Variants in MCTP1 observed in about 807,000 individuals in gnomAD.
The protein encoded by MCTP1 is multiple C2 and transmembrane domain containing 1, also known as multiple C2 and transmembrane domain-containing protein 1.
Under a neutral mutation model 120.6 loss-of-function variants are expected in MCTP1, and 69 were observed. The ratio of observed to expected loss-of-function variants is 0.57; its 90% CI spans 0.47 to 0.70. MCTP1 has a LOEUF of 0.70. Ranked by LOEUF, MCTP1 falls within the 30% of genes least tolerant of loss-of-function variation. The pLI is 0.00. For synonymous variants in MCTP1, 529 were observed against 493.1 expected (o/e 1.07, Z -0.96); for missense variants, 1,203 against 1,248.8 (o/e 0.96, Z 0.55).
chr5:95,249,660 T>C (rs1025496560), intron 1 of MCTP1, among the ~76,000 whole-genome samples: 1 of 152,190 alleles, frequency 6.6e-6, no homozygotes, highest in African/African-American at 2.4e-5. Flanking sequence ...TTACTGGGTA[T>C]ATACCCAAAG....
intron 1 of MCTP1, among the ~76,000 whole-genome samples, chr5:95,027,489 AG>A (rs1839471818): frequency 6.6e-6 from 1 of 152,218 alleles, no homozygotes. Context: ...AAGAAGCTGG[AG>A]AGGCCAGAAG....
At chr5:94,800,237 A>G (rs1472703544) in intron 17 of MCTP1, among the ~76,000 whole-genome samples, 1 of 152,230 alleles carries the variant, frequency 6.6e-6, no homozygotes, top group African/African-American at 2.4e-5. Context: ...CAAAACACAG[A>G]AAGTCAACTA....
chr5:94,811,603 G>C (rs1273851554), intron 17 of MCTP1, among the ~76,000 whole-genome samples: 1 of 152,130 alleles, frequency 6.6e-6, no homozygotes, highest in Non-Finnish European at 1.5e-5. Context: ...TTCTTTTATA[G>C]CAAGTACAAA....
At chr5:94,934,439 A>T (rs921406604) in intron 5 of MCTP1, among the ~76,000 whole-genome samples, 3 of 151,858 alleles carry the variant, frequency 2.0e-5, no homozygotes, top group African/African-American at 7.2e-5. Context: ...AACTTCCTTG[A>T]AGCCAGTAAA....
intron 1 of MCTP1, among the ~76,000 whole-genome samples, chr5:95,179,301 C>A (rs36100739): frequency 0.17 from 25,239 of 152,124 alleles, 2,602 homozygotes; most frequent in Non-Finnish European, 0.22. Flanking sequence ...TGCAAGAGAT[C>A]TAGATATCCA....
intron 10 of MCTP1, among the ~76,000 whole-genome samples, chr5:94,904,754 T>C (rs971865894): frequency 6.6e-6 from 1 of 152,354 alleles, no homozygotes; most frequent in Middle Eastern, 3.4e-3. Context: ...AGATCAGCAT[T>C]TGTCTGACAA....
At chr5:94,794,713 G>A (rs1779656692) in intron 18 of MCTP1, among the ~76,000 whole-genome samples, 1 of 152,190 alleles carries the variant, frequency 6.6e-6, no homozygotes, top group Admixed American at 6.5e-5. Context: ...ATAAAAGGAG[G>A]TGATGTCTCT....
chr5:94,781,070 T>A (rs971518007), intron 18 of MCTP1, among the ~76,000 whole-genome samples: 1 of 152,090 alleles, frequency 6.6e-6, no homozygotes, highest in East Asian at 1.9e-4. Flanking sequence ...ACTTGTAAGA[T>A]TTTCTGAAAT....
chr5:94,752,459 C>G (rs529963915), intron 19 of MCTP1, among the ~76,000 whole-genome samples: 1 of 152,150 alleles, frequency 6.6e-6, no homozygotes, highest in Non-Finnish European at 1.5e-5. Context: ...AATAGGTAGG[C>G]TGAGTTTGCA....
intron 19 of MCTP1, among the ~76,000 whole-genome samples, chr5:94,747,920 G>T (rs576286685): frequency 6.6e-6 from 1 of 152,008 alleles, no homozygotes; most frequent in East Asian, 1.9e-4. Context: ...GTGAAATCCC[G>T]TCTCTACTAA....
chr5:95,085,690 C>T (rs1186475603), intron 1 of MCTP1, among the ~76,000 whole-genome samples: 1 of 152,054 alleles, frequency 6.6e-6, no homozygotes, highest in Non-Finnish European at 1.5e-5. Context: ...CAAAACTAGG[C>T]TAGTTTACAA....
intron 1 of MCTP1, among the ~76,000 whole-genome samples, chr5:95,021,313 G>A (rs1429421418): frequency 6.6e-6 from 1 of 152,038 alleles, no homozygotes; most frequent in Non-Finnish European, 1.5e-5. Flanking sequence ...TTGGCACATA[G>A]TAAGCACTCA....
intron 11 of MCTP1, among the ~76,000 whole-genome samples, chr5:94,890,701 T>C (rs1419578901): frequency 6.6e-6 from 1 of 152,186 alleles, no homozygotes; most frequent in African/African-American, 2.4e-5. Context: ...ATGGTGGTGT[T>C]TTATAAGTGT....
chr5:95,045,078 C>T (rs549894797), intron 1 of MCTP1, among the ~76,000 whole-genome samples: 3 of 152,180 alleles, frequency 2.0e-5, no homozygotes, highest in Admixed American at 6.6e-5. Flanking sequence ...CCTCCAGCTA[C>T]CTTCCCCCTC....
At chr5:95,271,704 A>G (rs937198366) in intron 1 of MCTP1, among the ~76,000 whole-genome samples, 3 of 151,950 alleles carry the variant, frequency 2.0e-5, no homozygotes, top group African/African-American at 7.2e-5. Flanking sequence ...ACTGAAGAAA[A>G]GGCATTCCTT....
At chr5:95,145,652 T>C (rs1760322869) in intron 1 of MCTP1, among the ~76,000 whole-genome samples, 1 of 152,180 alleles carries the variant, frequency 6.6e-6, no homozygotes, top group Admixed American at 6.5e-5. Flanking sequence ...GATAATCATA[T>C]GGGTTTTGTT....
At chr5:95,208,651 T>G (rs190519943) in intron 1 of MCTP1, among the ~76,000 whole-genome samples, 1 of 151,434 alleles carries the variant, frequency 6.6e-6, no homozygotes. Flanking sequence ...CATGCCTCTA[T>G]AATGGGTGTT....
At chr5:95,071,720 G>A (rs1752212432) in intron 1 of MCTP1, among the ~76,000 whole-genome samples, 4 of 152,180 alleles carry the variant, frequency 2.6e-5, no homozygotes, top group African/African-American at 7.2e-5. Flanking sequence ...TAGAGATGTT[G>A]TAGATTGAAA....
At chr5:94,815,982 G>T (rs1052664980) in intron 17 of MCTP1, among the ~76,000 whole-genome samples, 1 of 152,090 alleles carries the variant, frequency 6.6e-6, no homozygotes. Context: ...GCAAAATGGA[G>T]GGTAACTGGC....
Sources: gnomAD v4.1 joint callset for allele counts (sites outside exome capture counted in the v4.1 genomes callset) on GRCh38, gnomAD v4.1.1 for gene constraint, MANE v1.5 for transcripts, NCBI Gene and HGNC (gene_info 2026-07-23, HGNC 2026-07-21) for gene names.